PID1: variants seen among roughly 807,000 people sequenced by gnomAD.
PID1 encodes phosphotyrosine interaction domain containing 1.
PID1 carries 10 observed loss-of-function variants against 19.1 expected under a neutral mutation model. The observed-to-expected ratio is 0.52, with a 90% CI of 0.32 to 0.89. PID1 has a LOEUF of 0.89. PID1 is among the 40% of genes least tolerant of loss of function. PID1 has a pLI of 0.03. For synonymous variants in PID1, 130 were observed against 116.0 expected (o/e 1.12, Z -0.78); for missense variants, 248 against 285.3 (o/e 0.87, Z 0.94).
At chr2:229,076,282 T>A (rs1019440800) in intron 2 of PID1, among the ~76,000 whole-genome samples, 5 of 152,170 alleles carry the variant, frequency 3.3e-5, no homozygotes, top group Non-Finnish European at 5.9e-5. Flanking sequence ...CCTCTGAATC[T>A]TCTCCCCAAT....
At chr2:229,176,752 G>A (rs138350675) in intron 1 of PID1, among the ~76,000 whole-genome samples, 1 of 152,258 alleles carries the variant, frequency 6.6e-6, no homozygotes, top group East Asian at 1.9e-4. Flanking sequence ...ACAAAGGGAA[G>A]CCAAAAAATC....
chr2:229,265,257 A>G (rs1690565204), intron 1 of PID1, among the ~76,000 whole-genome samples: 1 of 152,234 alleles, frequency 6.6e-6, no homozygotes, highest in Non-Finnish European at 1.5e-5. Context: ...GGGCAGAGGA[A>G]TCCTGGGCCA....
In PID1 at chr2:229,267,477, T is replaced by C. The variant is rs142916297; in HGVS notation, c.30+3537A>G. 3.1e-3 allele frequency among the ~76,000 whole-genome samples: 471 copies of C among 152,330 alleles called. 2 individuals are homozygous for C. Among genetic ancestry groups the C allele is most frequent in the African/African-American group, 0.01 (433 of 41,566 alleles). ...CATGAGAAGATGGTTACATGTAAAC[T>C]TCACAATTAGAATCTGCTAGAACTC... On this transcript the variant is annotated intron_variant, in intron 1 of 2. Coordinates refer to ENST00000392055, the MANE Select transcript of PID1 (RefSeq NM_001100818.2).
At position 229,264,586 on chromosome 2, in the gene PID1, A is replaced by C. The variant is rs1690544804; in HGVS notation, c.30+6428T>G. Reference sequence around the variant, plus strand: ...AAGACAATTGCATTCTGTGCGTCGCACTTTCCTATACATTGAGAATAAAAG... The same window carrying C: ...AAGACAATTGCATTCTGTGCGTCGCCCTTTCCTATACATTGAGAATAAAAG... On this transcript the variant is annotated intron_variant, in intron 1 of 2. Coordinates refer to ENST00000392055, the MANE Select transcript of PID1 (RefSeq NM_001100818.2). 2.0e-5 allele frequency among the ~76,000 whole-genome samples: 3 copies of C among 152,194 alleles called. No homozygotes were observed. The South Asian group carries it at 6.2e-4, about 32-fold the overall frequency.
intron 1 of PID1, among the ~76,000 whole-genome samples, chr2:229,178,931 C>G: frequency 6.6e-6 from 1 of 152,106 alleles, no homozygotes; most frequent in Non-Finnish European, 1.5e-5. Context: ...GCAGAGCTGA[C>G]CCCAGGGTGA....
chr2:229,066,854 C>T (rs975087293), intron 2 of PID1, among the ~76,000 whole-genome samples: 5 of 152,064 alleles, frequency 3.3e-5, no homozygotes, highest in Admixed American at 1.3e-4. Flanking sequence ...TCCACTCATA[C>T]GAGGTTCATT....
At chr2:229,260,817 ATTTTTT>A (rs66533277) in intron 1 of PID1, among the ~76,000 whole-genome samples, 1 of 114,652 alleles carries the variant, frequency 8.7e-6, no homozygotes. Flanking sequence ...TCTGATTGCC[ATTTTTT>A]TTTTTTTTTT....
chr2:229,147,389 A>G (rs1690156850), intron 2 of PID1, among the ~76,000 whole-genome samples: 1 of 152,146 alleles, frequency 6.6e-6, no homozygotes, highest in Non-Finnish European at 1.5e-5. Flanking sequence ...AATTTAGATA[A>G]TGCAAATAAG....
At chr2:229,115,243 A>C (rs1267417766) in intron 2 of PID1, among the ~76,000 whole-genome samples, 2 of 152,072 alleles carry the variant, frequency 1.3e-5, no homozygotes, top group African/African-American at 2.4e-5. Flanking sequence ...ACTGTGGCTC[A>C]GACTTGTAAT....
In PID1 at chr2:229,155,362, C is replaced by T. The variant is rs536251934; in HGVS notation, c.177+456G>A. ...TGGGCAGATCATGAGGTCAGGAGATCGAGACCATCCTAGCTAACATGGTGA... is the reference window on the plus strand; with the variant it reads ...TGGGCAGATCATGAGGTCAGGAGATTGAGACCATCCTAGCTAACATGGTGA... On this transcript the variant is annotated intron_variant, in intron 2 of 2. Transcript: ENST00000392055. Among the ~76,000 whole-genome samples, 11 of 151,982 alleles carry T rather than the reference C, an allele frequency of 7.2e-5. No individual in the cohort carries two copies. In the South Asian group the frequency reaches 2.3e-3, roughly 32 times the overall value.
intron 1 of PID1, among the ~76,000 whole-genome samples, chr2:229,162,582 C>A (rs1218200109): frequency 6.6e-6 from 1 of 152,174 alleles, no homozygotes; most frequent in Non-Finnish European, 1.5e-5. Context: ...GGCAAATGTT[C>A]ATCTTAAGAG....
At chr2:229,191,509 G>A (rs1691259723) in intron 1 of PID1, among the ~76,000 whole-genome samples, 1 of 152,102 alleles carries the variant, frequency 6.6e-6, no homozygotes, top group Non-Finnish European at 1.5e-5. Flanking sequence ...ATCCATCAGT[G>A]CCTCAAAGAG....
intron 1 of PID1, among the ~76,000 whole-genome samples, chr2:229,252,827 C>T (rs1257731782): frequency 6.6e-6 from 1 of 152,132 alleles, no homozygotes; most frequent in Non-Finnish European, 1.5e-5. Context: ...CCCAAATTTG[C>T]ACTTTTGCAA....
chr2:229,250,142 T>A (rs1188450328), intron 1 of PID1, among the ~76,000 whole-genome samples: 3 of 152,140 alleles, frequency 2.0e-5, no homozygotes, highest in African/African-American at 7.2e-5. Context: ...TCACATCCAA[T>A]GTGAAAAAGA....
intron 2 of PID1, among the ~76,000 whole-genome samples, chr2:229,051,604 C>T (rs2011313): frequency 6.6e-6 from 1 of 152,182 alleles, no homozygotes; most frequent in Non-Finnish European, 1.5e-5. Context: ...TCCCAAAATG[C>T]TGGGGTTATG....
At chr2:229,078,473 C>G (rs1056454657) in intron 2 of PID1, among the ~76,000 whole-genome samples, 1 of 152,148 alleles carries the variant, frequency 6.6e-6, no homozygotes, top group Non-Finnish European at 1.5e-5. Flanking sequence ...TCACCTTGTG[C>G]GGGTTTTTAA....
chr2:229,043,167 G>A (rs868476768), intron 2 of PID1, among the ~76,000 whole-genome samples: 1 of 151,910 alleles, frequency 6.6e-6, no homozygotes, highest in South Asian at 2.1e-4. Context: ...CACCAAGCTC[G>A]GCTAATTTTT....
At chr2:229,223,194 C>T (rs890387843) in intron 1 of PID1, among the ~76,000 whole-genome samples, 2 of 152,038 alleles carry the variant, frequency 1.3e-5, no homozygotes, top group Non-Finnish European at 2.9e-5. Context: ...GCCACCATAC[C>T]AAGGGCCTAG....
chr2:229,066,407 AC>A (rs1455994631), intron 2 of PID1, among the ~76,000 whole-genome samples: 1 of 152,170 alleles, frequency 6.6e-6, no homozygotes, highest in Non-Finnish European at 1.5e-5. Context: ...AGGAGGTAAC[AC>A]ATGTGTTGAA....
Sources: allele counts gnomAD v4.1 joint callset (sites outside exome capture counted in the v4.1 genomes callset), GRCh38; gene constraint gnomAD v4.1.1; transcripts MANE v1.5; gene names NCBI Gene and HGNC (gene_info 2026-07-23, HGNC 2026-07-21).